Variants in PCDH15 observed in about 807,000 individuals in gnomAD.
PCDH15 encodes the protein protocadherin-15.
PCDH15 carries 129 observed loss-of-function variants against 178.5 expected under a neutral mutation model. The observed-to-expected ratio is 0.72, with a 90% CI of 0.63 to 0.84. The LOEUF (loss-of-function observed/expected upper bound fraction) is 0.84, where lower values mean the gene tolerates loss of function less well. Among genes scored for constraint, PCDH15 ranks in the 40% least tolerant of loss-of-function variants. PCDH15 has a pLI of 0.00. For synonymous variants in PCDH15, 800 were observed against 732.0 expected, an observed-to-expected ratio of 1.09 and a Z score of -1.50; for missense variants, 2,230 against 2,099.9, an observed-to-expected ratio of 1.06 and a Z score of -1.21.
At chr10:55,132,024 G>A (rs1838063444) in intron 2 of PCDH15, among the ~76,000 whole-genome samples, 2 of 152,092 alleles carry the variant, frequency 1.3e-5, no homozygotes, top group Admixed American at 6.6e-5. Context: ...AGCTGTTCAT[G>A]TGGATGGGTG....
At chr10:53,939,381 T>C (rs2085851786) in intron 24 of PCDH15, among the ~76,000 whole-genome samples, 1 of 152,092 alleles carries the variant, frequency 6.6e-6, no homozygotes, top group Admixed American at 6.6e-5. Flanking sequence ...CTCTTTGTAA[T>C]TTATGAATAT....
intron 15 of PCDH15, among the ~76,000 whole-genome samples, chr10:54,123,394 C>T (rs572338145): frequency 6.6e-6 from 1 of 152,086 alleles, no homozygotes; most frequent in African/African-American, 2.4e-5. Flanking sequence ...GAAAGGGATA[C>T]AAGTAGCCAA....
At chr10:54,192,148 GAAAGAA>G (rs771363764) in intron 11 of PCDH15, among the ~76,000 whole-genome samples, 5 of 73,686 alleles carry the variant, frequency 6.8e-5, no homozygotes, top group Admixed American at 3.1e-4. Context: ...GAGAAAGAAA[GAAAGAA>G]AAAGAAAGAA....
At chr10:54,284,301 T>G (rs1463340172) in intron 8 of PCDH15, among the ~76,000 whole-genome samples, 1 of 152,242 alleles carries the variant, frequency 6.6e-6, no homozygotes, top group African/African-American at 2.4e-5. Flanking sequence ...TTTGAAAAGA[T>G]GCTTTGAAAG....
At chr10:55,354,390 G>A (rs1845020698) in intron 2 of PCDH15, among the ~76,000 whole-genome samples, 1 of 152,028 alleles carries the variant, frequency 6.6e-6, no homozygotes, top group Non-Finnish European at 1.5e-5. Flanking sequence ...ACTTAAAGCA[G>A]CTCAGGGTAC....
chr10:54,199,219 G>A (rs1488557395), intron 10 of PCDH15, among the ~76,000 whole-genome samples: 1 of 152,026 alleles, frequency 6.6e-6, no homozygotes, highest in Non-Finnish European at 1.5e-5. Flanking sequence ...TATTTGAGGT[G>A]TTTCAATTTG....
chr10:54,933,906 C>T (rs1837842697), intron 2 of PCDH15, among the ~76,000 whole-genome samples: 1 of 152,046 alleles, frequency 6.6e-6, no homozygotes, highest in Non-Finnish European at 1.5e-5. Context: ...TCATGAGGTA[C>T]CAAGGTTAGG....
intron 2 of PCDH15, among the ~76,000 whole-genome samples, chr10:55,369,289 G>A (rs1200950370): frequency 6.6e-6 from 1 of 151,598 alleles, no homozygotes; most frequent in East Asian, 1.9e-4. Context: ...CACTTTTAAG[G>A]GTAATTTCAC....
At chr10:53,953,854 A>G (rs538216430) in intron 23 of PCDH15, among the ~76,000 whole-genome samples, 27 of 152,276 alleles carry the variant, frequency 1.8e-4, no homozygotes, top group African/African-American at 5.1e-4. Context: ...CAGTGGCGCA[A>G]TCTCAGCTCA....
intron 30 of PCDH15, among the ~76,000 whole-genome samples, chr10:53,830,456 T>C (rs902514460): frequency 1.3e-5 from 2 of 152,220 alleles, no homozygotes; most frequent in Non-Finnish European, 2.9e-5. Flanking sequence ...CTGCTATTTA[T>C]TTTCTTTTTG....
chr10:54,188,656 AAC>A (rs1005646777), intron 11 of PCDH15, among the ~76,000 whole-genome samples: 15 of 151,900 alleles, frequency 9.9e-5, no homozygotes, highest in African/African-American at 3.4e-4. Context: ...TGCATATGAA[AAC>A]ACACAGGTAA....
intron 2 of PCDH15, among the ~76,000 whole-genome samples, chr10:55,328,285 G>A (rs1050017253): frequency 5.9e-5 from 9 of 151,706 alleles, no homozygotes; most frequent in Non-Finnish European, 1.3e-4. Flanking sequence ...GATACATTCT[G>A]ATAAATGAGT....
chr10:54,077,154 C>T (rs1213838512), intron 17 of PCDH15, among the ~76,000 whole-genome samples: 1 of 152,064 alleles, frequency 6.6e-6, no homozygotes, highest in Non-Finnish European at 1.5e-5. Context: ...TTCTACTCTA[C>T]TGATATTCTC....
At chr10:54,611,725 C>T (rs1590505572) in intron 2 of PCDH15, among the ~76,000 whole-genome samples, 1 of 151,854 alleles carries the variant, frequency 6.6e-6, no homozygotes, top group Admixed American at 6.6e-5. Flanking sequence ...TAGTCCAGAC[C>T]TTTTATCCAA....
intron 2 of PCDH15, among the ~76,000 whole-genome samples, chr10:54,618,153 C>T (rs2093239568): frequency 6.6e-6 from 1 of 151,996 alleles, no homozygotes; most frequent in Admixed American, 6.6e-5. Flanking sequence ...TTTGATACCT[C>T]CTGTTTTCTA....
At chr10:54,136,858 T>A (rs1009418649) in intron 14 of PCDH15, among the ~76,000 whole-genome samples, 1 of 152,208 alleles carries the variant, frequency 6.6e-6, no homozygotes, top group South Asian at 2.1e-4. Context: ...CTAGAATTGC[T>A]AATTGTGTTC....
chr10:54,831,907 G>T (rs559299139), intron 3 of PCDH15, among the ~76,000 whole-genome samples: 7 of 152,056 alleles, frequency 4.6e-5, no homozygotes, highest in African/African-American at 1.7e-4. Flanking sequence ...ACTTATAATA[G>T]CTCAGGGAAA....
At chr10:54,405,756 A>G (rs1205888777) in intron 3 of PCDH15, among the ~76,000 whole-genome samples, 1 of 151,980 alleles carries the variant, frequency 6.6e-6, no homozygotes. Flanking sequence ...ATATTTATGT[A>G]ACTGTAAAAA....
In PCDH15 at chr10:54,369,188, C is replaced by T; in HGVS notation, c.406G>A (p.Val136Met). ...GTIIYHEVRI[V>M]VRDRNDNSPT... ...GAGTTGTCATTCCTGTCTCTCACCA[C>T]TATTCGCACTTCATGGTAGATAATA... is the stretch of plus-strand genomic sequence containing the variant. Residue 136 changes from valine to methionine, a missense_variant, in exon 5 of 38, where the codon GTG becomes ATG. Coordinates refer to ENST00000644397, the MANE Select transcript of PCDH15 (RefSeq NM_001384140.1). 3 of 1,613,044 alleles carry T rather than the reference C, an allele frequency of 1.9e-6. No individual in the cohort carries two copies. The highest frequency in any genetic ancestry group is 2.5e-6 in the Non-Finnish European group (3 of 1,179,420).
Sources: allele counts gnomAD v4.1 joint callset (sites outside exome capture counted in the v4.1 genomes callset), GRCh38; gene constraint gnomAD v4.1.1; transcripts MANE v1.5; gene names NCBI Gene and HGNC (gene_info 2026-07-23, HGNC 2026-07-21).